The following DCTN3 variants were observed in gnomAD, a reference collection of about 807,000 sequenced individuals.
DCTN3 encodes the protein dynactin 3 (p22).
Under a neutral mutation model 28.4 loss-of-function variants are expected in DCTN3, and 25 were observed. The ratio of observed to expected loss-of-function variants is 0.88; its 90% CI spans 0.64 to 1.23. DCTN3 has a LOEUF of 1.23. DCTN3 is among the 50% of genes most tolerant of loss of function. DCTN3 has a pLI of 0.00. For missense variants in DCTN3, 229 were observed against 232.0 expected, an observed-to-expected ratio of 0.99 and a Z score of 0.08; for synonymous variants, 81 against 91.4, an observed-to-expected ratio of 0.89 and a Z score of 0.65.
intron 5 of DCTN3, 175 bp from the exon 6 acceptor site, chr9:34,614,276 C>T: frequency 1.4e-6 from 2 of 1,469,732 alleles, no homozygotes; most frequent in Non-Finnish European, 1.8e-6. Flanking sequence ...AGGATGGGTG[C>T]CCTAACAGCA....
At chr9:34,618,054 C>G (rs1691344317) in intron 2 of DCTN3, 83 bp from the exon 3 acceptor site, 2 of 1,397,174 alleles carry the variant, frequency 1.4e-6, no homozygotes, top group South Asian at 2.7e-5. Context: ...AAGTGGTCAG[C>G]CTTGAGGAGA....
At position 34,613,824 on chromosome 9, in the gene DCTN3, G is replaced by C; in HGVS notation, c.519C>G (p.Cys173Trp). ...KQFVQWDELL[C>W]QLEAATQVKP... is the part of the protein sequence containing the mutation. ...TCACTTGCGTGGCGGCCTCTAGCTG[G>C]CAAAGTAGCTCATCCCACTGCACGA... The change falls in exon 7 of 7, where the codon TGC becomes TGG. Residue 173 changes from cysteine (C) to tryptophan (W), a missense_variant. By Grantham distance (215) the Cys-to-Trp change is radical. Coordinates refer to ENST00000259632, the MANE Select transcript of DCTN3 (RefSeq NM_007234.5). 6.2e-7 allele frequency: 1 copy of C among 1,614,126 alleles called. No homozygotes were observed. Among genetic ancestry groups the C allele is most frequent in the African/African-American group, 1.3e-5 (1 of 75,046 alleles).
chr9:34,613,662 C>G lies in DCTN3; in HGVS notation c.*120G>C, dbSNP rs1820353266. On this transcript the variant is annotated 3_prime_UTR_variant, in exon 7 of 7. Coordinates refer to ENST00000259632, the MANE Select transcript of DCTN3 (RefSeq NM_007234.5). ...ACCTCCAACTTTAGAGCCCAGAGTA[C>G]AGAGAGGTGGGCCTTGAAGCCAATA... 3 of 1,377,820 alleles carry G rather than the reference C, an allele frequency of 2.2e-6. No individual in the cohort carries two copies. The highest frequency in any genetic ancestry group is 2.9e-6 in the Non-Finnish European group (3 of 1,024,424). 85.3% of individuals were successfully genotyped at this position (1,377,820 alleles called of 1,614,324 possible).
intron 1 of DCTN3, among the ~76,000 whole-genome samples, chr9:34,619,974 CA>C (rs1820514706): frequency 6.6e-6 from 1 of 152,200 alleles, no homozygotes; most frequent in Non-Finnish European, 1.5e-5. Flanking sequence ...TCTGCCTCCC[CA>C]GGGGTCCCAT....
In DCTN3 at chr9:34,617,698, G is replaced by A. The variant is rs776569402; in HGVS notation, c.268+187C>T. On this transcript the variant is annotated intron_variant, in intron 3 of 6. Coordinates refer to ENST00000259632, the MANE Select transcript of DCTN3 (RefSeq NM_007234.5). Reference sequence around the variant, plus strand: ...CACCATGGCCTGCAGCTGGTGCAGAGGTATACTGTACTCAATGTCTACTAG... The same window carrying A: ...CACCATGGCCTGCAGCTGGTGCAGAAGTATACTGTACTCAATGTCTACTAG... The A allele has an allele frequency of 6.2e-5, 93 of 1,494,290 alleles. 1 individual carries two copies. In the Admixed American group the frequency reaches 1.9e-3, roughly 30 times the overall value. The allele number at this position is 1,494,290 out of a possible 1,614,324, so 92.6% of individuals were successfully genotyped here.
intron 3 of DCTN3, among the ~76,000 whole-genome samples, chr9:34,617,423 G>A (rs1438401869): frequency 2.0e-5 from 3 of 152,244 alleles, no homozygotes; most frequent in African/African-American, 7.2e-5. Context: ...TAGAATGGCT[G>A]ACTGATTAGC....
At chr9:34,617,572 G>A in intron 3 of DCTN3, 2 of 1,170,144 alleles carry the variant, frequency 1.7e-6, no homozygotes, top group Non-Finnish European at 2.2e-6. Flanking sequence ...CCCTTTCCTA[G>A]AAGCTCCTCT....
chr9:34,614,174 C>G, intron 5 of DCTN3, 73 bp from the exon 6 acceptor site: 1 of 1,613,200 alleles, frequency 6.2e-7, no homozygotes, highest in South Asian at 1.1e-5. Flanking sequence ...CCTGCCTCAT[C>G]ACGGACTCCC....
In DCTN3 at chr9:34,616,109, C is replaced by A. The variant is rs1382409585; in HGVS notation, c.273G>T (p.Glu91Asp). 3.7e-6 allele frequency: 6 copies of A among 1,613,942 alleles called. No homozygotes were observed. The highest frequency in any genetic ancestry group is 3.3e-5 in the Admixed American group (2 of 60,004). Residue 91 changes from glutamate to aspartate, a missense_variant, in exon 4 of 7, where the codon GAG (glutamate) becomes GAT (aspartate). By Grantham distance (45) the Glu-to-Asp change is conservative. Transcript: ENST00000259632. This position sits in a 1 kb window ranked among gnomAD's most constrained non-coding sequence, Gnocchi z 4.7. ...ASKLQFILAEEQFILSQVALL... is the reference protein window; with the variant it reads ...ASKLQFILAEDQFILSQVALL... ...GTGCAACCTGGGAAAGGATAAACTG[C>A]TCCTCTAAAGCAAAAATGGACAAGA...
Position 34,617,989 on chromosome 9 carries a change from T to A in DCTN3, c.182-18A>T. Reference sequence around the variant, plus strand: ...ATCTTCAACTAGAAAAGTAGCAAGATGGAAAATGGAATAGGGTTGGGCAGT... The same window carrying A: ...ATCTTCAACTAGAAAAGTAGCAAGAAGGAAAATGGAATAGGGTTGGGCAGT... On this transcript the variant is annotated intron_variant, in intron 2 of 6. Coordinates refer to ENST00000259632, the MANE Select transcript of DCTN3 (RefSeq NM_007234.5). The A allele has an allele frequency of 6.2e-7, 1 of 1,610,566 alleles. No individual in the cohort carries two copies.
At chr9:34,620,244 G>A (rs1432376714) in intron 1 of DCTN3, 125 bp downstream of exon 1, 4 of 866,064 alleles carry the variant, frequency 4.6e-6, no homozygotes, top group Non-Finnish European at 7.3e-6. Context: ...GGGAGGTCCC[G>A]GACCTTTGTT....
At chr9:34,615,099 C>T (rs1820393361) in intron 4 of DCTN3, 1 of 259,704 alleles carries the variant, frequency 3.9e-6, no homozygotes, top group African/African-American at 2.2e-5. Flanking sequence ...CCTTTGCTCT[C>T]AGCCCAGCGG....
chr9:34,615,812 A>C, intron 4 of DCTN3: 1 of 386,088 alleles, frequency 2.6e-6, no homozygotes, highest in Non-Finnish European at 4.7e-6. Context: ...CAAGGTGGGA[A>C]GTTTGTTTGA....
chr9:34,615,792 ACTTG>A, intron 4 of DCTN3: 1 of 365,916 alleles, frequency 2.7e-6, no homozygotes, highest in Admixed American at 4.4e-5. Context: ...AATCCTAGCT[ACTTG>A]GGAGGCAAGG....
At chr9:34,614,864 G>A in intron 4 of DCTN3, 96 bp from the exon 5 acceptor site, 2 of 1,477,652 alleles carry the variant, frequency 1.4e-6, no homozygotes, top group South Asian at 2.3e-5. Context: ...AGAGTATTGA[G>A]TGGAGAAGCT....
In DCTN3 at chr9:34,614,027, G is replaced by C; in HGVS notation, c.471+15C>G. 1 of 1,606,096 alleles carries C rather than the reference G, an allele frequency of 6.2e-7. No homozygotes were observed. The highest frequency in any genetic ancestry group is 8.5e-7 in the Non-Finnish European group (1 of 1,173,998). ...GACAGCACCCATTAGGGTCCTAGTT[G>C]AGCAGAAAGGATACAGTCTTGTTGT... On this transcript the variant is annotated intron_variant, in intron 6 of 6. Transcript: ENST00000259632.
At chr9:34,618,092 A>G in intron 2 of DCTN3, 121 bp from the exon 3 acceptor site, 1 of 917,558 alleles carries the variant, frequency 1.1e-6, no homozygotes, top group Non-Finnish European at 1.6e-6. Context: ...GATACCCAAC[A>G]GTGCCACATG....
chr9:34,617,665 G>A (rs749341078), intron 3 of DCTN3: 2 of 1,469,710 alleles, frequency 1.4e-6, no homozygotes, highest in East Asian at 2.9e-5. Flanking sequence ...AGCTCCCACT[G>A]TGGCTGGCAC....
At position 34,614,320 on chromosome 9, in the gene DCTN3, C is replaced by T. The variant is rs577857970; in HGVS notation, c.412-219G>A. The T allele has an allele frequency of 8.0e-6, 8 of 1,005,022 alleles. No individual in the cohort carries two copies. The South Asian group carries it at 8.5e-5, about 11-fold the overall frequency. The allele number at this position is 1,005,022 out of a possible 1,614,324, so 62.3% of individuals were successfully genotyped here. On this transcript the variant is annotated intron_variant, in intron 5 of 6. Coordinates refer to ENST00000259632, the MANE Select transcript of DCTN3 (RefSeq NM_007234.5). ...ACGGATGGAAAAGGGAGTGGCCATACATTAAGTAAACATTCCCCCTAGTGT... is the reference window on the plus strand; with the variant it reads ...ACGGATGGAAAAGGGAGTGGCCATATATTAAGTAAACATTCCCCCTAGTGT...
Sources: allele counts gnomAD v4.1 joint callset (sites outside exome capture counted in the v4.1 genomes callset), GRCh38; gene constraint gnomAD v4.1.1; non-coding constraint Gnocchi (gnomAD v3.1); transcripts MANE v1.5; gene names NCBI Gene and HGNC (gene_info 2026-07-23, HGNC 2026-07-21).